The following NALF1 variants were observed in gnomAD, a reference collection of about 807,000 sequenced individuals.
NALF1 encodes the protein NALCN channel auxiliary factor 1, also known as family with sequence similarity 155 member A.
Under a neutral mutation model 48.4 loss-of-function variants are expected in NALF1, and 3 were observed. The ratio of observed to expected loss-of-function variants is 0.06; its 90% CI spans 0.03 to 0.16. The LOEUF is 0.16. Among genes scored for constraint, NALF1 ranks in the 10% least tolerant of loss-of-function variants. The probability of loss-of-function intolerance (pLI) is 1.00; values close to 1 mark genes in which losing one functional copy is unlikely to be tolerated. For missense variants in NALF1, 526 were observed against 571.5 expected, an observed-to-expected ratio of 0.92 and a Z score of 0.81; for synonymous variants, 262 against 245.7, an observed-to-expected ratio of 1.07 and a Z score of -0.62.
intron 1 of NALF1, among the ~76,000 whole-genome samples, chr13:107,230,636 CAAA>C (rs1880200655): frequency 6.6e-6 from 1 of 151,222 alleles, no homozygotes; most frequent in African/African-American, 2.4e-5. Context: ...GTGAGAAATA[CAAA>C]GAAGATGTGC....
intron 1 of NALF1, among the ~76,000 whole-genome samples, chr13:107,658,778 A>C (rs1326036012): frequency 5.3e-5 from 8 of 152,016 alleles, no homozygotes. Flanking sequence ...AGTGTTATTA[A>C]AATAATCCCA....
At chr13:107,194,438 T>C (rs1879350793) in intron 2 of NALF1, among the ~76,000 whole-genome samples, 1 of 152,144 alleles carries the variant, frequency 6.6e-6, no homozygotes, top group Admixed American at 6.5e-5. Flanking sequence ...AGCCAACTGA[T>C]CTTTGACAAA....
chr13:107,795,131 T>A (rs954243669), intron 1 of NALF1, among the ~76,000 whole-genome samples: 1 of 152,194 alleles, frequency 6.6e-6, no homozygotes, highest in African/African-American at 2.4e-5. Context: ...GTTAGACACA[T>A]GCATTCGCAG....
intron 1 of NALF1, among the ~76,000 whole-genome samples, chr13:107,328,523 T>C (rs973598620): frequency 6.6e-6 from 1 of 152,168 alleles, no homozygotes; most frequent in Non-Finnish European, 1.5e-5. Context: ...TTTCCTTCTG[T>C]TAAATAAAGA....
chr13:107,535,397 T>C (rs1182126886), intron 1 of NALF1, among the ~76,000 whole-genome samples: 1 of 152,132 alleles, frequency 6.6e-6, no homozygotes, highest in Non-Finnish European at 1.5e-5. Context: ...TGAAGGGCTG[T>C]TGAATTTTTT....
At chr13:107,237,918 T>C (rs549198521) in intron 1 of NALF1, among the ~76,000 whole-genome samples, 10 of 152,306 alleles carry the variant, frequency 6.6e-5, no homozygotes, top group South Asian at 2.1e-4. Context: ...AGCAGAGAGA[T>C]TGGTGTTTAA....
At chr13:107,584,777 C>T (rs1183394944) in intron 1 of NALF1, among the ~76,000 whole-genome samples, 2 of 152,180 alleles carry the variant, frequency 1.3e-5, no homozygotes, top group Non-Finnish European at 2.9e-5. Flanking sequence ...CCTCACTCCA[C>T]GTGAAGCCCA....
At chr13:107,208,978 C>T (rs753580338) in intron 2 of NALF1, among the ~76,000 whole-genome samples, 3 of 152,164 alleles carry the variant, frequency 2.0e-5, no homozygotes, top group Admixed American at 2.0e-4. Flanking sequence ...AATCATTCTG[C>T]ATTTCACTTT....
At chr13:107,742,659 G>A (rs1189643003) in intron 1 of NALF1, among the ~76,000 whole-genome samples, 1 of 152,108 alleles carries the variant, frequency 6.6e-6, no homozygotes, top group East Asian at 1.9e-4. Flanking sequence ...TCTCAGATAT[G>A]TCTTTATTAG....
At chr13:107,300,718 A>C (rs2138892456) in intron 1 of NALF1, among the ~76,000 whole-genome samples, 1 of 152,350 alleles carries the variant, frequency 6.6e-6, no homozygotes. Flanking sequence ...TACAGCATCT[A>C]AATGACAATG....
chr13:107,423,751 T>C (rs888424946), intron 1 of NALF1, among the ~76,000 whole-genome samples: 6 of 152,164 alleles, frequency 3.9e-5, no homozygotes, highest in Non-Finnish European at 7.4e-5. Flanking sequence ...ATTTGAAAAA[T>C]AAAATCAATC....
rs149210793 is a variant in NALF1 at position 107,693,834 on chromosome 13, G to A, written c.915+171848C>T. On this transcript the variant is annotated intron_variant, in intron 1 of 2. Transcript: ENST00000375915. Reference sequence around the variant, plus strand: ...GACATAACTCAGATTTGGAGGCCACGGTCCTTTCTAAGTGCTGGGCTACTT... The same window carrying A: ...GACATAACTCAGATTTGGAGGCCACAGTCCTTTCTAAGTGCTGGGCTACTT... Among the ~76,000 whole-genome samples, 859 of 152,200 alleles carry A rather than the reference G, an allele frequency of 5.6e-3. 11 individuals are homozygous for A. Among genetic ancestry groups the A allele is most frequent in the African/African-American group, 0.019 (791 of 41,538 alleles).
At chr13:107,765,102 A>G in intron 1 of NALF1, among the ~76,000 whole-genome samples, 1 of 152,160 alleles carries the variant, frequency 6.6e-6, no homozygotes, top group East Asian at 1.9e-4. Context: ...AATGATCGTT[A>G]CAACTGAATG....
intron 1 of NALF1, among the ~76,000 whole-genome samples, chr13:107,538,579 G>A (rs1876908882): frequency 6.6e-6 from 1 of 152,000 alleles, no homozygotes. Context: ...TCAAGATTTT[G>A]TCATTCAAAT....
intron 1 of NALF1, among the ~76,000 whole-genome samples, chr13:107,845,385 CTGA>C (rs1305119301): frequency 1.3e-5 from 2 of 152,082 alleles, no homozygotes; most frequent in East Asian, 3.9e-4. Context: ...ATGAGTCTAC[CTGA>C]TGATAAGGAA....
intron 1 of NALF1, among the ~76,000 whole-genome samples, chr13:107,861,656 C>A (rs1480857800): frequency 6.6e-6 from 1 of 152,116 alleles, no homozygotes; most frequent in Non-Finnish European, 1.5e-5. Context: ...TGGTGGCGCG[C>A]ACCTGTAGTC....
intron 1 of NALF1, among the ~76,000 whole-genome samples, chr13:107,565,376 C>A (rs1419718774): frequency 1.4e-4 from 12 of 84,566 alleles, no homozygotes; most frequent in African/African-American, 4.0e-4. Flanking sequence ...CAGAGCGAGA[C>A]CTTATCTCAA....
intron 2 of NALF1, among the ~76,000 whole-genome samples, chr13:107,194,044 CTATCTATCTATCTATA>C (rs754754688): frequency 0.051 from 6,572 of 129,146 alleles, 176 homozygotes; most frequent in Admixed American, 0.075. Context: ...ATCTATCTAT[CTATCTATCTATCTATA>C]TATCAATCTA....
At chr13:107,442,866 G>A (rs1008077610) in intron 1 of NALF1, among the ~76,000 whole-genome samples, 18 of 152,040 alleles carry the variant, frequency 1.2e-4, no homozygotes, top group Admixed American at 3.9e-4. Flanking sequence ...TTGATATAAC[G>A]GTTAAAAACC....
Sources: allele counts gnomAD v4.1 joint callset (sites outside exome capture counted in the v4.1 genomes callset), GRCh38; gene constraint gnomAD v4.1.1; transcripts MANE v1.5; gene names NCBI Gene and HGNC (gene_info 2026-07-23, HGNC 2026-07-21).